The following GPR37 variants were observed in gnomAD, a reference collection of about 807,000 sequenced individuals.
GPR37 encodes the protein prosaposin receptor GPR37.
In GPR37, 20 loss-of-function variants were observed where a neutral mutation model predicts 43.6. The ratio of observed to expected loss-of-function variants is 0.46; its 90% CI spans 0.32 to 0.67. The LOEUF (loss-of-function observed/expected upper bound fraction) is 0.67, where lower values mean the gene tolerates loss of function less well. Among genes scored for constraint, GPR37 ranks in the 30% least tolerant of loss-of-function variants. GPR37 has a pLI of 0.03. For synonymous variants in GPR37, 315 were observed against 322.6 expected (o/e 0.98, Z 0.25); for missense variants, 724 against 797.2 (o/e 0.91, Z 1.11).
chr7:124,752,778 C>A (rs578032281), intron 1 of GPR37, among the ~76,000 whole-genome samples: 2 of 152,114 alleles, frequency 1.3e-5, no homozygotes, highest in South Asian at 4.2e-4. Context: ...ACTAGGATAA[C>A]CTTGTGATTG....
At position 124,764,450 on chromosome 7, in the gene GPR37, G is replaced by A; in HGVS notation, c.527C>T (p.Ala176Val). ...CCTTGGCCAGTAAAAAAGATCGCTG[G>A]CTCCGGGGACTGTCTTCACACTCTG... The part of the protein sequence containing the change: ...QEQSVKTVPG[A>V]SDLFYWPRRA... The change falls in exon 1 of 2, where the codon GCC (alanine) becomes GTC (valine). Residue 176 changes from alanine to valine, a missense_variant. Physicochemically the swap from Ala to Val is moderately conservative, Grantham distance 64 (BLOSUM62 0). Around this residue, in one of 2 missense-constraint regions of GPR37, gnomAD observed 382 missense variants for 355.4 expected, o/e 1.07. Transcript: ENST00000303921. The surrounding 1 kb of genome is among the most constrained non-coding windows in gnomAD (Gnocchi z 5.4). 1.2e-6 allele frequency: 2 copies of A among 1,613,702 alleles called. No homozygotes were observed. Among genetic ancestry groups the A allele is most frequent in the Non-Finnish European group, 1.7e-6 (2 of 1,180,038 alleles).
Position 124,746,533 on chromosome 7 carries a change from G to T in GPR37, c.1834C>A (p.His612Asn). 1 of 1,596,930 alleles carries T rather than the reference G, an allele frequency of 6.3e-7. No homozygotes were observed. The change falls in exon 2 of 2, where the codon CAT (histidine) becomes AAT (asparagine). Residue 612 changes from histidine to asparagine, a missense_variant. His to Asn is a moderately conservative substitution (Grantham distance 68). This residue lies in a region of GPR37 where 342 missense variants were observed against 441.8 expected (regional missense o/e 0.77). Transcript: ENST00000303921. The part of the protein sequence containing the change: ...EMSTFASVGT[H>N]C ...CAACCAAGTACTGTCCTTCAGCAAT[G>T]AGTTCCGACAGAAGCAAAAGTGGAC...
intron 1 of GPR37, among the ~76,000 whole-genome samples, chr7:124,763,438 C>A (rs1793872797): frequency 6.6e-6 from 1 of 152,138 alleles, no homozygotes; most frequent in African/African-American, 2.4e-5. Context: ...AACTGACAAA[C>A]ACAATTTTCT....
chr7:124,764,809 G>A lies in GPR37; in HGVS notation c.168C>T (p.Ala56=), dbSNP rs1160573837. The A allele has an allele frequency of 6.2e-7, 1 of 1,613,628 alleles. No homozygotes were observed. Among genetic ancestry groups the A allele is most frequent in the South Asian group, 1.1e-5 (1 of 91,086 alleles). The change falls in exon 1 of 2, where the codon GCC becomes GCT. Residue 56 remains alanine (A), a synonymous_variant. Transcript: ENST00000303921. This position sits in a 1 kb window ranked among gnomAD's most constrained non-coding sequence, Gnocchi z 5.4. ...PTVIQRRGRD[A]WGPGNSARDV... ...CTCTTGCAGAATTTCCCGGTCCCCA[G>A]GCGTCCCTGCCGCGGCGCTGGATCA...
In GPR37 at chr7:124,761,863, G is replaced by C. The variant is rs902876853; in HGVS notation, c.1023+2091C>G. On this transcript the variant is annotated intron_variant, in intron 1 of 1. Transcript: ENST00000303921. The stretch of plus-strand genomic sequence containing the variant: ...GAAATATAGAAATGCTACATATTAA[G>C]ATGTTCATTCACTATTTTAACAGTA... 5.3e-5 allele frequency among the ~76,000 whole-genome samples: 8 copies of C among 152,238 alleles called. No homozygotes were observed. In the East Asian group the frequency reaches 1.5e-3, roughly 29 times the overall value.
intron 1 of GPR37, among the ~76,000 whole-genome samples, chr7:124,747,982 G>T (rs2116309178): frequency 6.6e-6 from 1 of 152,314 alleles, no homozygotes; most frequent in East Asian, 1.9e-4. Context: ...AAACAGGCCA[G>T]AGACCCCTCC....
chr7:124,760,227 C>T (rs1409053613), intron 1 of GPR37, among the ~76,000 whole-genome samples: 1 of 151,950 alleles, frequency 6.6e-6, no homozygotes, highest in Non-Finnish European at 1.5e-5. Flanking sequence ...AAGAAAGTAA[C>T]AAGTGAAGGA....
At position 124,744,105 on chromosome 7, in the gene GPR37, A is replaced by G. The variant is rs559684271; in HGVS notation, c.*2420T>C. 2 of 152,218 alleles carry G rather than the reference A, an allele frequency of 1.3e-5. No individual in the cohort carries two copies. The highest frequency in any genetic ancestry group is 4.1e-4 in the South Asian group (2 of 4,830). 9.4% of individuals were successfully genotyped at this position (152,218 alleles called of 1,614,324 possible). On this transcript the variant is annotated 3_prime_UTR_variant, in exon 2 of 2. Coordinates refer to ENST00000303921, the MANE Select transcript of GPR37 (RefSeq NM_005302.5). The stretch of plus-strand genomic sequence containing the variant: ...CAATAAGAAAGTACATGTTGCAACT[A>G]CAAAAAGTTGAAAGGCAAGTATAAA...
At chr7:124,761,430 C>A (rs1793849774) in intron 1 of GPR37, among the ~76,000 whole-genome samples, 1 of 152,164 alleles carries the variant, frequency 6.6e-6, no homozygotes, top group Non-Finnish European at 1.5e-5. Flanking sequence ...GCCCTCTTGC[C>A]TCAATTTGGG....
Position 124,764,729 on chromosome 7 carries a change from C to T in GPR37, c.248G>A (p.Gly83Glu). 2 of 1,608,850 alleles carry T rather than the reference C, an allele frequency of 1.2e-6. No homozygotes were observed. The highest frequency in any genetic ancestry group is 2.2e-5 in the South Asian group (2 of 90,936). The change falls in exon 1 of 2, where the codon GGA becomes GAA. Residue 83 changes from glycine to glutamate, a missense_variant. Around this residue, in one of 2 missense-constraint regions of GPR37, gnomAD observed 382 missense variants for 355.4 expected, o/e 1.07. Transcript: ENST00000303921. This position sits in a 1 kb window ranked among gnomAD's most constrained non-coding sequence, Gnocchi z 5.4. ...REEQGAAFLAGPSWDLPAAPG... is the reference protein window; with the variant it reads ...REEQGAAFLAEPSWDLPAAPG... Reference sequence around the variant, plus strand: ...GGCCGCCGGCAGGTCCCAGGAGGGTCCCGCAAGAAACGCTGCCCCCTGCTC... The same window carrying T: ...GGCCGCCGGCAGGTCCCAGGAGGGTTCCGCAAGAAACGCTGCCCCCTGCTC...
chr7:124,757,882 T>C (rs1793809051), intron 1 of GPR37, among the ~76,000 whole-genome samples: 1 of 152,088 alleles, frequency 6.6e-6, no homozygotes, highest in South Asian at 2.1e-4. Flanking sequence ...ATTTGATAAA[T>C]CAATGAATGG....
intron 1 of GPR37, 25 bp from the exon 2 acceptor site, chr7:124,747,368 T>TTCCAGAATGAGGC: frequency 6.8e-7 from 1 of 1,478,608 alleles, no homozygotes; most frequent in Non-Finnish European, 9.3e-7. Context: ...AGAAGACATT[T>TTCCAGAATGAGGC]ATTCCCGGTG....
rs1380313606 is a variant in GPR37 at position 124,764,071 on chromosome 7, G to T, written c.906C>A (p.Asn302Lys). 3.7e-6 allele frequency: 6 copies of T among 1,614,082 alleles called. No homozygotes were observed. Among genetic ancestry groups the T allele is most frequent in the Non-Finnish European group, 5.1e-6 (6 of 1,180,024 alleles). Residue 302 changes from asparagine to lysine, a missense_variant, in exon 1 of 2, where the codon AAC becomes AAA. Asn to Lys is a moderately conservative substitution (Grantham distance 94, BLOSUM62 0). Coordinates refer to ENST00000303921, the MANE Select transcript of GPR37 (RefSeq NM_005302.5). The surrounding 1 kb of genome is among the most constrained non-coding windows in gnomAD (Gnocchi z 5.4). ...TGATGAGAAAGTCCCAGAAGGCCAGGTTGGCCAAGAGGGAGTTGGAGATGC... is the reference window on the plus strand; with the variant it reads ...TGATGAGAAAGTCCCAGAAGGCCAGTTTGGCCAAGAGGGAGTTGGAGATGC... ...MRSISNSLLA[N>K]LAFWDFLIIF... is the part of the protein sequence containing the mutation.
intron 1 of GPR37, among the ~76,000 whole-genome samples, chr7:124,748,714 A>G (rs762609041): frequency 1.3e-5 from 2 of 152,158 alleles, no homozygotes; most frequent in Non-Finnish European, 2.9e-5. Context: ...TTTGGAGCAT[A>G]AAACTCTTTG....
chr7:124,764,987 G>T lies in GPR37; in HGVS notation c.-11C>A. 6.9e-7 allele frequency: 1 copy of T among 1,446,046 alleles called. No homozygotes were observed. The highest frequency in any genetic ancestry group is 1.9e-4 in the Middle Eastern group (1 of 5,336). 89.6% of individuals were successfully genotyped at this position (1,446,046 alleles called of 1,614,324 possible). The stretch of plus-strand genomic sequence containing the variant: ...GCCCGGGGCTCGCATGGCTTGGTGA[G>T]GGCACACCCGGCAGCCGCAGCTCCT... On this transcript the variant is annotated 5_prime_UTR_variant, in exon 1 of 2. Transcript: ENST00000303921. This position sits in a 1 kb window ranked among gnomAD's most constrained non-coding sequence, Gnocchi z 5.4.
chr7:124,765,377 T>C lies in GPR37; in HGVS notation c.-401A>G, dbSNP rs1034553294. The C allele has an allele frequency of 3.2e-5, 6 of 186,310 alleles. No individual in the cohort carries two copies. The highest frequency in any genetic ancestry group is 9.3e-5 in the African/African-American group (4 of 42,828). 11.5% of individuals were successfully genotyped at this position (186,310 alleles called of 1,614,324 possible). The stretch of plus-strand genomic sequence containing the variant: ...TGGGTGGGGGTGGTGGCCTTCTTGG[T>C]AACAGTTGCTCTGCCTATTTACATC... On this transcript the variant is annotated 5_prime_UTR_variant, in exon 1 of 2. Coordinates refer to ENST00000303921, the MANE Select transcript of GPR37 (RefSeq NM_005302.5).
Position 124,746,917 on chromosome 7 carries a change from T to A in GPR37, c.1450A>T (p.Ile484Phe), listed in dbSNP as rs764578897. Residue 484 changes from isoleucine to phenylalanine, a missense_variant, in exon 2 of 2, where the codon ATT becomes TTT. By Grantham distance (21) the Ile-to-Phe change is conservative (BLOSUM62 0). Transcript: ENST00000303921. Reference sequence around the variant, plus strand: ...CAGTTCATCTGACTCTCTAGTTGAATCTGCCGTTTATTCCCTCGGGTACAG... The same window carrying A: ...CAGTTCATCTGACTCTCTAGTTGAAACTGCCGTTTATTCCCTCGGGTACAG... Reference protein sequence around the residue: ...KACTRGNKRQIQLESQMNCTV... With the variant: ...KACTRGNKRQFQLESQMNCTV... 1 of 1,613,994 alleles carries A rather than the reference T, an allele frequency of 6.2e-7. No homozygotes were observed. Among genetic ancestry groups the A allele is most frequent in the African/African-American group, 1.3e-5 (1 of 74,922 alleles).
At position 124,764,517 on chromosome 7, in the gene GPR37, TCTCTTCCTC is replaced by T; in HGVS notation, c.451_459del (p.Glu151_Glu153del). 1.2e-6 allele frequency: 2 copies of T among 1,613,612 alleles called. No individual in the cohort carries two copies. Among genetic ancestry groups the T allele is most frequent in the Non-Finnish European group, 1.7e-6 (2 of 1,180,020 alleles). ...GAAATGCCAGCGCCTCTGGGACCCT[TCTCTTCCTC>T]CTCTGAGATCTGAAGGAAGAGCTGG... On this transcript the variant is annotated inframe_deletion, in exon 1 of 2. Transcript: ENST00000303921. The surrounding 1 kb of genome is among the most constrained non-coding windows in gnomAD (Gnocchi z 5.4).
At position 124,764,722 on chromosome 7, in the gene GPR37, G is replaced by T. The variant is rs1793895951; in HGVS notation, c.255C>A (p.Ser85=). The change falls in exon 1 of 2, where the codon TCC becomes TCA. Residue 85 remains serine, a synonymous_variant. Coordinates refer to ENST00000303921, the MANE Select transcript of GPR37 (RefSeq NM_005302.5). This position sits in a 1 kb window ranked among gnomAD's most constrained non-coding sequence, Gnocchi z 5.4. ...GGCCCGGGGCCGCCGGCAGGTCCCA[G>T]GAGGGTCCCGCAAGAAACGCTGCCC... is the stretch of plus-strand genomic sequence containing the variant. ...EQGAAFLAGP[S]WDLPAAPGRD... 2 of 1,607,970 alleles carry T rather than the reference G, an allele frequency of 1.2e-6. No individual in the cohort carries two copies. Among genetic ancestry groups the T allele is most frequent in the Admixed American group, 3.3e-5 (2 of 59,786 alleles).
Sources: allele counts gnomAD v4.1 joint callset (sites outside exome capture counted in the v4.1 genomes callset), GRCh38; gene constraint gnomAD v4.1.1; regional missense constraint gnomAD v4.1.1; non-coding constraint Gnocchi (gnomAD v3.1); transcripts MANE v1.5; gene names NCBI Gene and HGNC (gene_info 2026-07-23, HGNC 2026-07-21).